Variants in BANP observed in about 807,000 individuals in gnomAD.
BANP encodes the protein protein BANP.
BANP carries 11 observed loss-of-function variants against 68.1 expected under a neutral mutation model. The ratio of observed to expected loss-of-function variants is 0.16; its 90% CI spans 0.10 to 0.27. The LOEUF (loss-of-function observed/expected upper bound fraction) is 0.27, where lower values mean the gene tolerates loss of function less well. BANP is among the 10% of genes least tolerant of loss of function. The probability of loss-of-function intolerance (pLI) is 1.00; values close to 1 mark genes in which losing one functional copy is unlikely to be tolerated. For synonymous variants in BANP, 329 were observed against 303.2 expected (o/e 1.09, Z -0.88); for missense variants, 504 against 722.7 (o/e 0.70, Z 3.47).
At chr16:87,951,578 G>A (rs889973624) in intron 1 of BANP, 63 bp downstream of exon 1, 1 of 151,912 alleles carries the variant, frequency 6.6e-6, no homozygotes, top group Non-Finnish European at 1.5e-5. Flanking sequence ...GCGAGAGCGA[G>A]AGCGAGATCT....
chr16:87,975,163 A>G lies in BANP; in HGVS notation c.48A>G (p.Glu16=). Residue 16 remains glutamate, a synonymous_variant, in exon 2 of 14, where the codon GAA becomes GAG. Coordinates refer to ENST00000682872, the MANE Select transcript of BANP (RefSeq NM_001386991.1). ...DLADVVQIAV[E]DLSPDHPVVL... is the part of the protein sequence containing the mutation. ...CCGATGTGGTTCAGATTGCAGTGGA[A>G]GACCTGAGCCCTGACCACCCAGGTA... 1 of 1,614,174 alleles carries G rather than the reference A, an allele frequency of 6.2e-7. No homozygotes were observed. The highest frequency in any genetic ancestry group is 8.5e-7 in the Non-Finnish European group (1 of 1,179,994).
chr16:87,951,785 G>T (rs1482663094), intron 1 of BANP, among the ~76,000 whole-genome samples: 1 of 151,828 alleles, frequency 6.6e-6, no homozygotes, highest in East Asian at 1.9e-4. Flanking sequence ...GGCTGCCGCA[G>T]CCCGGCCCGG....
chr16:87,994,766 G>A (rs2066744117), intron 4 of BANP, among the ~76,000 whole-genome samples: 1 of 152,002 alleles, frequency 6.6e-6, no homozygotes, highest in South Asian at 2.1e-4. Flanking sequence ...GAGACCCCGT[G>A]TATAAAAATA....
chr16:88,062,964 C>A (rs1282238211), intron 11 of BANP, among the ~76,000 whole-genome samples: 1 of 152,216 alleles, frequency 6.6e-6, no homozygotes, highest in African/African-American at 2.4e-5. Flanking sequence ...CTGGCGTGAC[C>A]TCATTTTTGC....
rs1355836908 is a variant in BANP at position 88,036,806 on chromosome 16, A to C, written c.1273-1167A>C. Reference sequence around the variant, plus strand: ...ACGGTCCCAGGAGGCCAGAGTGTCCAGGAAGGAGCAGGGCCTTCCCTGTTC... The same window carrying C: ...ACGGTCCCAGGAGGCCAGAGTGTCCCGGAAGGAGCAGGGCCTTCCCTGTTC... On this transcript the variant is annotated intron_variant, in intron 10 of 13. Coordinates refer to ENST00000682872, the MANE Select transcript of BANP (RefSeq NM_001386991.1). This position sits in a 1 kb window ranked among gnomAD's most constrained non-coding sequence, Gnocchi z 4.2. 6.6e-6 allele frequency among the ~76,000 whole-genome samples: 1 copy of C among 152,208 alleles called. No individual in the cohort carries two copies. The highest frequency in any genetic ancestry group is 1.5e-5 in the Non-Finnish European group (1 of 68,034).
intron 4 of BANP, among the ~76,000 whole-genome samples, chr16:87,984,954 A>G (rs112601385): frequency 0.02 from 3,103 of 152,192 alleles, 93 homozygotes; most frequent in African/African-American, 0.07. Flanking sequence ...ACTGAGCGCT[A>G]CTCACTTCAG....
intron 2 of BANP, among the ~76,000 whole-genome samples, chr16:87,975,812 G>A (rs1471029320): frequency 2.0e-5 from 2 of 100,400 alleles, no homozygotes; most frequent in Non-Finnish European, 2.7e-5. Flanking sequence ...TGTGTGCGGC[G>A]TCATGGAACC....
intron 1 of BANP, among the ~76,000 whole-genome samples, chr16:87,968,025 A>G (rs1183227891): frequency 8.1e-5 from 12 of 149,000 alleles, no homozygotes; most frequent in Non-Finnish European, 1.6e-4. Context: ...AAGTGCTGGG[A>G]TTACAGGCGT....
At chr16:88,013,673 G>C (rs1352570196) in intron 6 of BANP, among the ~76,000 whole-genome samples, 4 of 152,196 alleles carry the variant, frequency 2.6e-5, no homozygotes, top group African/African-American at 9.7e-5. Flanking sequence ...TATCCTTTAT[G>C]GTCTCTACAC....
intron 11 of BANP, among the ~76,000 whole-genome samples, chr16:88,040,783 C>T (rs2080576600): frequency 6.6e-6 from 1 of 152,252 alleles, no homozygotes; most frequent in Admixed American, 6.5e-5. Flanking sequence ...GCAGCCCACG[C>T]TTGTTCCAGG....
At chr16:88,017,743 C>T (rs752578998) in intron 6 of BANP, among the ~76,000 whole-genome samples, 2 of 152,228 alleles carry the variant, frequency 1.3e-5, no homozygotes, top group African/African-American at 2.4e-5. Flanking sequence ...GTCTGGGCAC[C>T]GTGTCTCCTC....
intron 7 of BANP, among the ~76,000 whole-genome samples, chr16:88,020,183 G>T (rs1312854933): frequency 6.6e-6 from 1 of 152,236 alleles, no homozygotes; most frequent in Non-Finnish European, 1.5e-5. Flanking sequence ...GGGCCACACG[G>T]CAGATATTTC....
At chr16:88,041,059 G>C (rs2080668011) in intron 11 of BANP, among the ~76,000 whole-genome samples, 6 of 152,214 alleles carry the variant, frequency 3.9e-5, no homozygotes, top group Admixed American at 3.9e-4. Flanking sequence ...TGTGCCCTGT[G>C]CCCTGTGCCC....
At chr16:87,975,296 T>C in intron 2 of BANP, 111 bp downstream of exon 2, 1 of 1,084,378 alleles carries the variant, frequency 9.2e-7, no homozygotes, top group Non-Finnish European at 1.4e-6. Context: ...TAATGCATGC[T>C]GCGTATGAAA....
intron 1 of BANP, among the ~76,000 whole-genome samples, chr16:87,953,035 T>C (rs2057296593): frequency 1.3e-5 from 2 of 152,080 alleles, no homozygotes; most frequent in Non-Finnish European, 2.9e-5. Flanking sequence ...CCACGCTGCG[T>C]GGGGGCAGCT....
chr16:88,074,840 C>T (rs2091241960), intron 13 of BANP, among the ~76,000 whole-genome samples: 1 of 152,170 alleles, frequency 6.6e-6, no homozygotes, highest in Admixed American at 6.5e-5. Context: ...GACCCCTCAT[C>T]CTACCCTGGA....
At position 87,975,200 on chromosome 16, in the gene BANP, G is replaced by C. The variant is rs1054496486; in HGVS notation, c.70+15G>C. 1 of 1,612,858 alleles carries C rather than the reference G, an allele frequency of 6.2e-7. No homozygotes were observed. ...TGACCACCCAGGTACAGAGCTGTGGGACAGTAGGTGAAATATTATTCTCTT... is the reference window on the plus strand; with the variant it reads ...TGACCACCCAGGTACAGAGCTGTGGCACAGTAGGTGAAATATTATTCTCTT... On this transcript the variant is annotated intron_variant, in intron 2 of 13. Transcript: ENST00000682872.
intron 11 of BANP, among the ~76,000 whole-genome samples, chr16:88,050,502 C>T (rs1163170767): frequency 6.6e-6 from 1 of 152,094 alleles, no homozygotes; most frequent in Non-Finnish European, 1.5e-5. Context: ...AAGACACACA[C>T]TTGTTAATGG....
rs1040730201 is a variant in BANP, at chr16:88,018,101, C to T, written c.656-327C>T. 2.0e-5 allele frequency among the ~76,000 whole-genome samples: 3 copies of T among 152,044 alleles called. No homozygotes were observed. Among genetic ancestry groups the T allele is most frequent in the African/African-American group, 4.8e-5 (2 of 41,410 alleles). Reference sequence around the variant, plus strand: ...GGCTGGGGCAGGTACCAACTGTGTGCAAGGATATCGGTATTGCTGGGGTCC... The same window carrying T: ...GGCTGGGGCAGGTACCAACTGTGTGTAAGGATATCGGTATTGCTGGGGTCC... On this transcript the variant is annotated intron_variant, in intron 6 of 13. Coordinates refer to ENST00000682872, the MANE Select transcript of BANP (RefSeq NM_001386991.1). This position sits in a 1 kb window ranked among gnomAD's most constrained non-coding sequence, Gnocchi z 7.7.
Sources: allele counts gnomAD v4.1 joint callset (sites outside exome capture counted in the v4.1 genomes callset), GRCh38; gene constraint gnomAD v4.1.1; non-coding constraint Gnocchi (gnomAD v3.1); transcripts MANE v1.5; gene names NCBI Gene and HGNC (gene_info 2026-07-23, HGNC 2026-07-21).